Variants in GALNT14 observed in about 807,000 individuals in gnomAD.
The protein encoded by GALNT14 is UDP-GalNAc:polypeptide N-acetylgalactosaminyltransferase 14.
Under a neutral mutation model 77.5 loss-of-function variants are expected in GALNT14, and 60 were observed. That is an observed-to-expected ratio of 0.77 (90% confidence interval 0.63 to 0.96). The LOEUF (loss-of-function observed/expected upper bound fraction) is 0.96, where lower values mean the gene tolerates loss of function less well. GALNT14 is among the 40% of genes least tolerant of loss of function. GALNT14 has a pLI of 0.00. For synonymous variants in GALNT14, 280 were observed against 281.7 expected (o/e 0.99, Z 0.06); for missense variants, 710 against 731.0 (o/e 0.97, Z 0.33).
intron 3 of GALNT14, 53 bp downstream of exon 3, chr2:30,966,151 T>C: frequency 7.0e-7 from 1 of 1,429,088 alleles, no homozygotes; most frequent in African/African-American, 1.4e-5. Flanking sequence ...GCAGACACAC[T>C]GTCACCAAGT....
Position 30,992,834 on chromosome 2 carries a change from G to T in GALNT14, c.299+4C>A. 6.2e-7 allele frequency: 1 copy of T among 1,612,516 alleles called. No individual in the cohort carries two copies. The highest frequency in any genetic ancestry group is 2.2e-5 in the East Asian group (1 of 44,816). Reference sequence around the variant, plus strand: ...GGTAACAGAGTGGGAGAAGGAGGAAGTACCTCAGATGGCGAGTGTCCGGGA... The same window carrying T: ...GGTAACAGAGTGGGAGAAGGAGGAATTACCTCAGATGGCGAGTGTCCGGGA... On this transcript the variant is annotated splice_donor_region_variant and intron_variant, in intron 2 of 14. Transcript: ENST00000349752.
intron 1 of GALNT14, among the ~76,000 whole-genome samples, chr2:31,099,831 T>C (rs577972023): frequency 6.6e-6 from 1 of 152,126 alleles, no homozygotes; most frequent in South Asian, 2.1e-4. Flanking sequence ...GCCAGTCACC[T>C]CATATGGGTT....
chr2:30,906,612 AGACTTTAACACC>A (rs1309123450), downstream of GALNT14, among the ~76,000 whole-genome samples: 18 of 151,462 alleles, frequency 1.2e-4, no homozygotes, highest in East Asian at 3.1e-3. Context: ...TAATAATGGG[AGACTTTAACACC>A]CCACTGTCAA....
chr2:30,939,512 C>T (rs1461482472), intron 9 of GALNT14, among the ~76,000 whole-genome samples: 1 of 152,038 alleles, frequency 6.6e-6, no homozygotes, highest in Non-Finnish European at 1.5e-5. Context: ...GGGAGGGATC[C>T]AGCTGAGGAG....
chr2:31,100,861 C>G (rs1258288463), intron 1 of GALNT14, among the ~76,000 whole-genome samples: 1 of 151,994 alleles, frequency 6.6e-6, no homozygotes, highest in Middle Eastern at 3.2e-3. Flanking sequence ...CTTAAGTGAG[C>G]TCAGGACACT....
chr2:30,974,077 A>G (rs1312955886), intron 2 of GALNT14, among the ~76,000 whole-genome samples: 1 of 151,978 alleles, frequency 6.6e-6, no homozygotes, highest in Non-Finnish European at 1.5e-5. Flanking sequence ...CTCTTGAATG[A>G]CCCCATGAGA....
rs941941121 is a variant in GALNT14, at chr2:31,008,191, C to T, written c.130-15184G>A. On this transcript the variant is annotated intron_variant, in intron 1 of 14. Transcript: ENST00000349752. ...CCACAAACTCCTGGGCTCAAACAAT[C>T]CTCCCGACTCAGCCTCCTGAGTAGC... 2.6e-5 allele frequency among the ~76,000 whole-genome samples: 4 copies of T among 152,268 alleles called. No homozygotes were observed. The East Asian group carries it at 7.7e-4, about 29-fold the overall frequency.
At chr2:31,103,711 T>A (rs1328039278) in intron 1 of GALNT14, among the ~76,000 whole-genome samples, 1 of 152,220 alleles carries the variant, frequency 6.6e-6, no homozygotes, top group African/African-American at 2.4e-5. Flanking sequence ...AACTTCCTTT[T>A]TCCCCCTTTG....
chr2:30,951,010 T>A (rs1481500796), intron 6 of GALNT14, among the ~76,000 whole-genome samples: 6 of 151,984 alleles, frequency 3.9e-5, no homozygotes, highest in Admixed American at 2.0e-4. Context: ...AGCCTGGGGG[T>A]CCCTGCAGGT....
At chr2:31,073,838 G>T (rs771490512) in intron 1 of GALNT14, among the ~76,000 whole-genome samples, 9 of 152,270 alleles carry the variant, frequency 5.9e-5, no homozygotes, top group East Asian at 5.8e-4. Flanking sequence ...AGACTAAAAG[G>T]ACACCGTTAC....
chr2:31,114,489 A>G (rs1265418068), intron 1 of GALNT14, among the ~76,000 whole-genome samples: 1 of 152,210 alleles, frequency 6.6e-6, no homozygotes, highest in Non-Finnish European at 1.5e-5. Flanking sequence ...TTCAAACTAA[A>G]AAGCTCAGCA....
chr2:30,917,014 T>C (rs536806024), intron 13 of GALNT14, among the ~76,000 whole-genome samples: 1 of 140,802 alleles, frequency 7.1e-6, no homozygotes, highest in Non-Finnish European at 1.5e-5. Flanking sequence ...GAGACAGAGG[T>C]TGCAGTGAGC....
intron 1 of GALNT14, among the ~76,000 whole-genome samples, chr2:31,002,154 C>T (rs761973808): frequency 2.6e-5 from 4 of 152,238 alleles, no homozygotes; most frequent in South Asian, 2.1e-4. Flanking sequence ...TCAGGCCAGG[C>T]GCAGTGACTC....
chr2:31,025,272 C>T (rs72791283), intron 1 of GALNT14, among the ~76,000 whole-genome samples: 8,715 of 152,196 alleles, frequency 0.057, 343 homozygotes, highest in East Asian at 0.1. Flanking sequence ...AGGCCTCGAT[C>T]CCATTGCAAG....
At position 31,138,179 on chromosome 2, in the gene GALNT14, T is replaced by C. The variant is rs1243908532; in HGVS notation, c.-93A>G. 6.5e-7 allele frequency: 1 copy of C among 1,532,342 alleles called. No individual in the cohort carries two copies. Among genetic ancestry groups the C allele is most frequent in the Non-Finnish European group, 9.0e-7 (1 of 1,115,510 alleles). 94.9% of individuals were successfully genotyped at this position (1,532,342 alleles called of 1,614,324 possible). A position where few individuals can be genotyped will look rare whatever the true frequency, so the allele number is the denominator to read the frequency against. On this transcript the variant is annotated 5_prime_UTR_variant, in exon 1 of 15. Coordinates refer to ENST00000349752, the MANE Select transcript of GALNT14 (RefSeq NM_024572.4). ...CGGGGCAGGAGTCCTGGCGAGCGCC[T>C]CGCTCTGGGGAGCTCTAGACCCAGG...
At chr2:30,994,052 G>C (rs1209365825) in intron 1 of GALNT14, among the ~76,000 whole-genome samples, 1 of 152,204 alleles carries the variant, frequency 6.6e-6, no homozygotes, top group Non-Finnish European at 1.5e-5. Context: ...GGAGGAGCTG[G>C]TCTGTATCTA....
At chr2:31,089,605 T>A (rs1458683441) in intron 1 of GALNT14, among the ~76,000 whole-genome samples, 1 of 152,166 alleles carries the variant, frequency 6.6e-6, no homozygotes, top group African/African-American at 2.4e-5. Flanking sequence ...CTTCAAGAAT[T>A]CTTTCATCAA....
chr2:31,094,313 C>CA (rs1676897372), intron 1 of GALNT14, among the ~76,000 whole-genome samples: 1 of 152,202 alleles, frequency 6.6e-6, no homozygotes. Context: ...CTGCCTATCC[C>CA]AAAACCTATA....
At chr2:31,076,612 C>CATATAT (rs59824499) in intron 1 of GALNT14, among the ~76,000 whole-genome samples, 1 of 143,334 alleles carries the variant, frequency 7.0e-6, no homozygotes, top group African/African-American at 2.6e-5. Flanking sequence ...GGTGTGTATA[C>CATATAT]ATATATATAT....
Sources: allele counts gnomAD v4.1 joint callset (sites outside exome capture counted in the v4.1 genomes callset), GRCh38; gene constraint gnomAD v4.1.1; transcripts MANE v1.5; gene names NCBI Gene and HGNC (gene_info 2026-07-23, HGNC 2026-07-21).